The following SHTN1 variants were observed in gnomAD, a reference collection of about 807,000 sequenced individuals.
The protein encoded by SHTN1 is shootin-1.
In SHTN1, 42 loss-of-function variants were observed where a neutral mutation model predicts 83.1. The observed-to-expected ratio is 0.51, with a 90% CI of 0.39 to 0.65. SHTN1 has a LOEUF of 0.65. Ranked by LOEUF, SHTN1 falls within the 30% of genes least tolerant of loss-of-function variation. The probability of loss-of-function intolerance (pLI) is 0.00; values close to 1 mark genes in which losing one functional copy is unlikely to be tolerated. For synonymous variants in SHTN1, 224 were observed against 247.7 expected (o/e 0.90, Z 0.90); for missense variants, 622 against 737.8 (o/e 0.84, Z 1.82).
At chr10:117,008,753 T>C (rs1191325701), upstream of SHTN1, among the ~76,000 whole-genome samples, 5 of 152,080 alleles carry the variant, frequency 3.3e-5, no homozygotes, top group Non-Finnish European at 7.4e-5. Flanking sequence ...TGGTTAATTG[T>C]TGGGGTAATA....
intron 2 of SHTN1, among the ~76,000 whole-genome samples, chr10:117,027,286 G>A (rs754618794): frequency 6.6e-6 from 1 of 152,064 alleles, no homozygotes; most frequent in African/African-American, 2.4e-5. Context: ...GGGACAGTGA[G>A]TTCTCATGAG....
At chr10:116,957,919 G>T (rs1164719243) in intron 4 of SHTN1, among the ~76,000 whole-genome samples, 7 of 152,110 alleles carry the variant, frequency 4.6e-5, no homozygotes, top group Admixed American at 4.6e-4. Context: ...AATTAACTGG[G>T]TGTGGTGGCA....
At chr10:117,038,854 G>A (rs145477594) in intron 2 of SHTN1, among the ~76,000 whole-genome samples, 100 of 152,354 alleles carry the variant, frequency 6.6e-4, no homozygotes, top group African/African-American at 2.2e-3. Context: ...AAATGCTGAT[G>A]AGGATGTGAA....
intron 1 of SHTN1, among the ~76,000 whole-genome samples, chr10:116,994,601 G>C (rs1851563149): frequency 1.3e-5 from 2 of 152,000 alleles, no homozygotes. Context: ...TTGGGTCTTT[G>C]ATTACTTTAG....
intron 16 of SHTN1, among the ~76,000 whole-genome samples, chr10:116,899,751 T>C (rs1847664962): frequency 6.6e-6 from 1 of 152,184 alleles, no homozygotes; most frequent in Non-Finnish European, 1.5e-5. Context: ...GGAAATACTT[T>C]ACTTATTAAT....
chr10:116,924,651 T>C (rs935583795), intron 11 of SHTN1, among the ~76,000 whole-genome samples: 1 of 151,404 alleles, frequency 6.6e-6, no homozygotes, highest in African/African-American at 2.4e-5. Flanking sequence ...CCTCTGGCCA[T>C]CACTGCCCCA....
At chr10:116,997,817 G>A (rs1262663428) in intron 1 of SHTN1, among the ~76,000 whole-genome samples, 1 of 152,160 alleles carries the variant, frequency 6.6e-6, no homozygotes, top group African/African-American at 2.4e-5. Context: ...TTAGGGCCAG[G>A]CGCGATGGCT....
upstream of SHTN1, among the ~76,000 whole-genome samples, chr10:117,010,415 A>AG (rs1417322639): frequency 1.3e-3 from 194 of 152,216 alleles, no homozygotes; most frequent in African/African-American, 3.9e-3. Context: ...GAAAGTATTA[A>AG]AAAAAGAAAA....
intron 6 of SHTN1, among the ~76,000 whole-genome samples, chr10:116,950,360 G>A (rs1435592450): frequency 1.3e-5 from 2 of 152,002 alleles, no homozygotes; most frequent in African/African-American, 4.8e-5. Context: ...TGAGAGACGA[G>A]GTCTTGCTAG....
intron 4 of SHTN1, among the ~76,000 whole-genome samples, chr10:116,956,041 C>T (rs1178941840): frequency 6.6e-6 from 1 of 152,158 alleles, no homozygotes; most frequent in African/African-American, 2.4e-5. Context: ...TCAAACTATC[C>T]CATCTTTTAG....
chr10:116,940,650 A>G (rs1849334723), intron 8 of SHTN1, 38 bp from the exon 9 acceptor site: 2 of 1,513,406 alleles, frequency 1.3e-6, no homozygotes, highest in Non-Finnish European at 9.0e-7. Flanking sequence ...ATATCAATCA[A>G]TCTCACATAC....
chr10:117,063,159 T>G (rs1852926457), intron 1 of SHTN1, among the ~76,000 whole-genome samples: 1 of 152,204 alleles, frequency 6.6e-6, no homozygotes, highest in South Asian at 2.1e-4. Flanking sequence ...CATTCCTACA[T>G]TCACCCTTTT....
chr10:116,960,832 T>C (rs1178951914), intron 3 of SHTN1, among the ~76,000 whole-genome samples: 1 of 152,198 alleles, frequency 6.6e-6, no homozygotes, highest in African/African-American at 2.4e-5. Flanking sequence ...ATAAAGCAGA[T>C]GCTAATAAAT....
At chr10:117,072,358 G>A (rs1480036945) in intron 1 of SHTN1, among the ~76,000 whole-genome samples, 1 of 152,180 alleles carries the variant, frequency 6.6e-6, no homozygotes, top group Non-Finnish European at 1.5e-5. Context: ...ACAGAGCAGT[G>A]TGTAGAGGCC....
At position 117,005,005 on chromosome 10, in the gene SHTN1, G is replaced by A; in HGVS notation, c.58+17C>T. ...CGGGCCGCGGCTGCCCACACCTGGC[G>A]CCCGCGTGCTGCCTACCTTGCTCCT... On this transcript the variant is annotated intron_variant, in intron 1 of 16. Transcript: ENST00000355371. The A allele has an allele frequency of 6.3e-7, 1 of 1,583,518 alleles. No homozygotes were observed. Among genetic ancestry groups the A allele is most frequent in the Admixed American group, 1.8e-5 (1 of 54,832 alleles).
In SHTN1 at chr10:117,064,377, C is replaced by T. The variant is rs145648727; in HGVS notation, c.-188-15867G>A. The stretch of plus-strand genomic sequence containing the variant: ...CTCTCACTAGAAATGTACGTTCAGC[C>T]AGGCATGGTAGTTCATGCCCGTAAT... On this transcript the variant is annotated intron_variant, in intron 1 of 17. Transcript: ENST00000392901. 4.5e-3 allele frequency among the ~76,000 whole-genome samples: 690 copies of T among 152,342 alleles called. 6 individuals are homozygous for T. Among genetic ancestry groups the T allele is most frequent in the African/African-American group, 0.016 (659 of 41,586 alleles).
rs751085650 is a variant in SHTN1, at chr10:116,886,454, C to T, written c.1786G>A (p.Val596Ile). ...STHEPQTKDQ[V>I]AEKDPTQHKE... Reference sequence around the variant, plus strand: ...TGTTGAGTTGGATCTTTTTCAGCAACCTGGTCTTTGGTTTGGGGTTCATGT... The same window carrying T: ...TGTTGAGTTGGATCTTTTTCAGCAATCTGGTCTTTGGTTTGGGGTTCATGT... The change falls in exon 17 of 17, where the codon GTT becomes ATT. Residue 596 changes from valine (V) to isoleucine (I), a missense_variant. Coordinates refer to ENST00000355371, the MANE Select transcript of SHTN1 (RefSeq NM_001127211.3). 6.2e-7 allele frequency: 1 copy of T among 1,613,516 alleles called. No individual in the cohort carries two copies. The highest frequency in any genetic ancestry group is 8.5e-7 in the Non-Finnish European group (1 of 1,179,668).
chr10:117,029,587 A>G (rs1461144665), intron 2 of SHTN1, among the ~76,000 whole-genome samples: 1 of 152,142 alleles, frequency 6.6e-6, no homozygotes, highest in South Asian at 2.1e-4. Context: ...GCAGTTTCTC[A>G]TGAAAGGTTT....
chr10:116,888,430 C>T (rs1249721195), intron 16 of SHTN1, among the ~76,000 whole-genome samples: 1 of 152,170 alleles, frequency 6.6e-6, no homozygotes, highest in Non-Finnish European at 1.5e-5. Context: ...CTAGTCATGC[C>T]GTCTGTGTAA....
Sources: gnomAD v4.1 joint callset for allele counts (sites outside exome capture counted in the v4.1 genomes callset) on GRCh38, gnomAD v4.1.1 for gene constraint, MANE v1.5 for transcripts, NCBI Gene and HGNC (gene_info 2026-07-23, HGNC 2026-07-21) for gene names.